Variants in GTF3C2 observed in about 807,000 individuals in gnomAD.
GTF3C2 encodes the protein general transcription factor IIIC subunit 2.
A neutral mutation model predicts 117.4 loss-of-function variants in GTF3C2; 17 were observed. The ratio of observed to expected loss-of-function variants is 0.14; its 90% CI spans 0.10 to 0.22. GTF3C2 has a LOEUF of 0.22. Ranked by LOEUF, GTF3C2 falls within the 10% of genes least tolerant of loss-of-function variation. GTF3C2 has a pLI of 1.00. For missense variants in GTF3C2, 888 were observed against 1,143.6 expected, an observed-to-expected ratio of 0.78 and a Z score of 3.22; for synonymous variants, 437 against 427.0, an observed-to-expected ratio of 1.02 and a Z score of -0.29.
intron 1 of GTF3C2, among the ~76,000 whole-genome samples, chr2:27,343,986 G>C (rs1436574006): frequency 1.3e-5 from 2 of 151,584 alleles, no homozygotes; most frequent in Admixed American, 1.3e-4. Context: ...TTACATTTTG[G>C]TGAAGCAGAC....
chr2:27,354,915 A>C (rs1681275870), intron 1 of GTF3C2, among the ~76,000 whole-genome samples: 1 of 152,220 alleles, frequency 6.6e-6, no homozygotes, highest in African/African-American at 2.4e-5. Context: ...TAAATATTCT[A>C]GTACAAATCT....
chr2:27,341,935 C>G lies in GTF3C2; in HGVS notation c.855+13G>C. Reference sequence around the variant, plus strand: ...ACTATGTCCCCATTCACTTTCTTGTCCATTGAGGTTACCCCTGAAGTAGAT... The same window carrying G: ...ACTATGTCCCCATTCACTTTCTTGTGCATTGAGGTTACCCCTGAAGTAGAT... On this transcript the variant is annotated intron_variant, in intron 4 of 18. Coordinates refer to ENST00000264720, the Ensembl canonical transcript of GTF3C2. 3 of 1,609,332 alleles carry G rather than the reference C, an allele frequency of 1.9e-6. No homozygotes were observed. The highest frequency in any genetic ancestry group is 2.6e-6 in the Non-Finnish European group (3 of 1,176,180).
At chr2:27,328,348 T>G in intron 16 of GTF3C2, 120 bp downstream of exon 16, 2 of 1,119,686 alleles carry the variant, frequency 1.8e-6, no homozygotes, top group Non-Finnish European at 2.7e-6. Flanking sequence ...TACAACTCTG[T>G]GCTAAGATTT....
chr2:27,344,889 A>G (rs1052828522), intron 1 of GTF3C2, among the ~76,000 whole-genome samples: 10 of 151,664 alleles, frequency 6.6e-5, no homozygotes, highest in African/African-American at 2.4e-4. Flanking sequence ...GAAGGCTGAG[A>G]CAGGAGGATT....
intron 1 of GTF3C2, among the ~76,000 whole-genome samples, chr2:27,344,366 C>G (rs534054194): frequency 9.9e-4 from 151 of 152,228 alleles, no homozygotes; most frequent in African/African-American, 3.6e-3. Flanking sequence ...GTGCCAAGCA[C>G]TATACTAAGT....
Position 27,337,963 on chromosome 2 carries a change from C to T in GTF3C2, c.913G>A (p.Ala305Thr), listed in dbSNP as rs1303437592. Residue 305 changes from alanine (A) to threonine (T), a missense_variant, in exon 5 of 19, where the codon GCT becomes ACT. Ala to Thr is a moderately conservative substitution (Grantham distance 58). Around this residue, in one of 7 missense-constraint regions of GTF3C2, gnomAD observed 393 missense variants for 401.5 expected, o/e 0.98. Coordinates refer to ENST00000264720, the Ensembl canonical transcript of GTF3C2. ...AGATGGAGGCACTTCCAAACAGGAGCCATGATATGATTTGGTAAGCCATTG... is the reference window on the plus strand; with the variant it reads ...AGATGGAGGCACTTCCAAACAGGAGTCATGATATGATTTGGTAAGCCATTG... 1.4e-5 allele frequency: 22 copies of T among 1,611,918 alleles called. No individual in the cohort carries two copies. Among genetic ancestry groups the T allele is most frequent in the Middle Eastern group, 3.3e-4 (2 of 6,058 alleles).
chr2:27,329,503 G>C lies in GTF3C2; in HGVS notation c.1753C>G (p.Leu585Val). ...CGCTGCAGGGGTGAGTTAGTGGGAA[G>C]GTTCCAGAAAACCACCATGCCTGAA... The change falls in exon 13 of 19, where the codon CTT (leucine) becomes GTT (valine). Residue 585 changes from leucine to valine, a missense_variant. This residue lies in a region of GTF3C2 where 277 missense variants were observed against 445.4 expected (regional missense o/e 0.62). Transcript: ENST00000264720. The surrounding 1 kb of genome is among the most constrained non-coding windows in gnomAD (Gnocchi z 4.5). 6.2e-7 allele frequency: 1 copy of C among 1,614,088 alleles called. No individual in the cohort carries two copies. Among genetic ancestry groups the C allele is most frequent in the Non-Finnish European group, 8.5e-7 (1 of 1,179,964 alleles).
chr2:27,328,986 T>A, intron 14 of GTF3C2, 55 bp from the exon 15 acceptor site: 1 of 1,470,648 alleles, frequency 6.8e-7, no homozygotes, highest in Non-Finnish European at 9.5e-7. Flanking sequence ...CATTTCTTCT[T>A]CTTAACCTCT....
At chr2:27,336,116 C>G (rs1425496148) in intron 8 of GTF3C2, 82 bp downstream of exon 8, 31 of 1,411,936 alleles carry the variant, frequency 2.2e-5, no homozygotes, top group Non-Finnish European at 2.8e-5. Flanking sequence ...CAGCCCAATC[C>G]AAGCCCTTCC....
chr2:27,351,140 G>A (rs1681119940), intron 1 of GTF3C2, among the ~76,000 whole-genome samples: 1 of 151,882 alleles, frequency 6.6e-6, no homozygotes, highest in African/African-American at 2.4e-5. Flanking sequence ...GGCCGGGCAT[G>A]GTGGCTCACG....
chr2:27,326,207 A>C (rs2148232967), exon 19 of GTF3C2: 1 of 472,308 alleles, frequency 2.1e-6, no homozygotes, highest in East Asian at 6.9e-5. Context: ...GTGGGCATAC[A>C]TGATGGTTAC....
intron 4 of GTF3C2, chr2:27,339,467 T>G (rs1225786895): frequency 3.3e-5 from 5 of 151,468 alleles, no homozygotes; most frequent in Admixed American, 6.6e-5. Context: ...TTATTTAAAA[T>G]TTTGATATTT....
chr2:27,347,561 G>A (rs1171104937), intron 1 of GTF3C2, among the ~76,000 whole-genome samples: 1 of 152,116 alleles, frequency 6.6e-6, no homozygotes, highest in Admixed American at 6.5e-5. Context: ...AAGCCAAAAG[G>A]ACCTATGCAT....
chr2:27,349,727 C>T (rs2148334204), intron 1 of GTF3C2, among the ~76,000 whole-genome samples: 1 of 151,952 alleles, frequency 6.6e-6, no homozygotes, highest in South Asian at 2.1e-4. Context: ...CAACCTCTGC[C>T]TCCTGGGTTC....
chr2:27,326,903 G>C lies in GTF3C2; in HGVS notation c.2518-10C>G, dbSNP rs777287054. On this transcript the variant is annotated splice_polypyrimidine_tract_variant and intron_variant, in intron 18 of 18. Transcript: ENST00000264720. The stretch of plus-strand genomic sequence containing the variant: ...TTGGGCTGAAACGTACCTGTGAAGA[G>C]AACAGAAAACAAGAGAGAGATGCTC... The C allele has an allele frequency of 1.2e-5, 19 of 1,573,368 alleles. No homozygotes were observed. The Admixed American group carries it at 1.3e-4, about 11-fold the overall frequency.
intron 1 of GTF3C2, among the ~76,000 whole-genome samples, chr2:27,352,139 A>C (rs943624246): frequency 1.3e-5 from 2 of 151,954 alleles, no homozygotes; most frequent in Non-Finnish European, 2.9e-5. Flanking sequence ...TCTAGTTTAG[A>C]TTCCTTCATT....
In GTF3C2 at chr2:27,353,512, C is replaced by T. The variant is rs567806693; in HGVS notation, c.-25+3227G>A. 3.3e-5 allele frequency among the ~76,000 whole-genome samples: 5 copies of T among 151,926 alleles called. No individual in the cohort carries two copies. The South Asian group carries it at 8.3e-4, about 25-fold the overall frequency. On this transcript the variant is annotated intron_variant, in intron 1 of 18. Transcript: ENST00000264720. ...GGAGCGCAGGGGCATGCTCTCTGCT[C>T]ACCGCTGCCTCCGCCTCTGGGGTTC... is the stretch of plus-strand genomic sequence containing the variant.
intron 1 of GTF3C2, among the ~76,000 whole-genome samples, chr2:27,345,860 C>A (rs1680899588): frequency 6.7e-6 from 1 of 150,030 alleles, no homozygotes; most frequent in South Asian, 2.1e-4. Flanking sequence ...ACAACAGGTG[C>A]CCGCCACCAC....
At position 27,327,981 on chromosome 2, in the gene GTF3C2, G is replaced by C. The variant is rs529245908; in HGVS notation, c.2409+56C>G. ...AACTCAGGCTTGCGTACTATACAAA[G>C]ACTAAAGTTTTCTACCTTTTCTAAT... On this transcript the variant is annotated intron_variant, in intron 17 of 18. Coordinates refer to ENST00000264720, the Ensembl canonical transcript of GTF3C2. 2.8e-5 allele frequency: 41 copies of C among 1,474,310 alleles called. No individual in the cohort carries two copies. The Admixed American group carries it at 4.2e-4, about 15-fold the overall frequency. 91.3% of individuals were successfully genotyped at this position (1,474,310 alleles called of 1,614,324 possible).
Sources: gnomAD v4.1 joint callset for allele counts (sites outside exome capture counted in the v4.1 genomes callset) on GRCh38, gnomAD v4.1.1 for gene constraint, gnomAD v4.1.1 regional missense constraint, Gnocchi (gnomAD v3.1) non-coding constraint, MANE v1.5 for transcripts, NCBI Gene and HGNC (gene_info 2026-07-23, HGNC 2026-07-21) for gene names.